The following MYO3B variants were observed in gnomAD, a reference collection of about 807,000 sequenced individuals.
MYO3B encodes myosin-IIIb.
MYO3B carries 156 observed loss-of-function variants against 174.6 expected under a neutral mutation model. The ratio of observed to expected loss-of-function variants is 0.89; its 90% confidence interval spans 0.78 to 1.02. The LOEUF is 1.02. MYO3B is among the 50% of genes least tolerant of loss of function. The pLI, the probability that MYO3B is intolerant of heterozygous loss-of-function variation, is 0.00. For missense variants in MYO3B, 1,632 were observed against 1,639.4 expected, an observed-to-expected ratio of 1.00 and a Z score of 0.08; for synonymous variants, 563 against 569.1, an observed-to-expected ratio of 0.99 and a Z score of 0.15.
chr2:170,523,120 G>T (rs1688785505), intron 30 of MYO3B, among the ~76,000 whole-genome samples: 1 of 152,136 alleles, frequency 6.6e-6, no homozygotes. Context: ...ATTTTGCCTG[G>T]TGTTATGGTT....
chr2:170,324,311 G>A lies in MYO3B; in HGVS notation c.750-11074G>A, dbSNP rs116629329. Among the ~76,000 whole-genome samples the A allele has an allele frequency of 1.9e-3, 285 of 152,226 alleles. 2 individuals carry two copies. Among genetic ancestry groups the A allele is most frequent in the African/African-American group, 6.8e-3 (281 of 41,512 alleles). ...TCCCAAGGAAGTTTTGGTCAATAAA[G>A]GTTTACAAAAGGATGCCTCACAGAA... On this transcript the variant is annotated intron_variant, in intron 7 of 34. Transcript: ENST00000408978.
At chr2:170,604,444 G>A (rs940334217) in intron 32 of MYO3B, among the ~76,000 whole-genome samples, 2 of 151,940 alleles carry the variant, frequency 1.3e-5, no homozygotes. Flanking sequence ...TACCTAAAGT[G>A]TGTGAATTTT....
intron 6 of MYO3B, among the ~76,000 whole-genome samples, chr2:170,217,627 G>A (rs1244580669): frequency 2.0e-5 from 3 of 152,142 alleles, no homozygotes; most frequent in African/African-American, 7.2e-5. Flanking sequence ...TTAGAAGAAA[G>A]TGTCCCTCCA....
At chr2:170,182,466 T>G (rs1377173257) in intron 1 of MYO3B, among the ~76,000 whole-genome samples, 1 of 152,170 alleles carries the variant, frequency 6.6e-6, no homozygotes, top group Non-Finnish European at 1.5e-5. Flanking sequence ...TGGTTTCTAG[T>G]CTAACGATCT....
rs1165995564 is a variant in MYO3B at position 170,277,708 on chromosome 2, C to CA, written c.749+41583dup. On this transcript the variant is annotated intron_variant, in intron 7 of 34. Transcript: ENST00000408978. The stretch of plus-strand genomic sequence containing the variant: ...GATTATAAAAGTAATATATGCCGAC[C>CA]AAAAAAAAAAATTACACAAATAAAT... Among the ~76,000 whole-genome samples the CA allele has an allele frequency of 6.0e-4, 87 of 145,100 alleles. No homozygotes were observed. The East Asian group carries it at 0.01, about 17-fold the overall frequency.
chr2:170,304,468 C>CTTTTTTTTTTTTT (rs34449441), intron 7 of MYO3B, among the ~76,000 whole-genome samples: 2 of 131,822 alleles, frequency 1.5e-5, no homozygotes, highest in African/African-American at 2.8e-5. Flanking sequence ...TTTTCTTTTT[C>CTTTTTTTTTTTTT]TTTTTTTTTT....
chr2:170,179,574 T>G (rs977235171), intron 1 of MYO3B, among the ~76,000 whole-genome samples: 3 of 152,174 alleles, frequency 2.0e-5, no homozygotes, highest in African/African-American at 7.2e-5. Context: ...CTCCTTTTTC[T>G]CTCTCTTGAG....
At chr2:170,339,251 C>T (rs1010980205) in intron 8 of MYO3B, among the ~76,000 whole-genome samples, 1 of 152,220 alleles carries the variant, frequency 6.6e-6, no homozygotes, top group Non-Finnish European at 1.5e-5. Flanking sequence ...ATAATTGCTT[C>T]AGTTCCCTTT....
intron 6 of MYO3B, among the ~76,000 whole-genome samples, chr2:170,226,268 A>C (rs1000910164): frequency 6.6e-5 from 10 of 152,208 alleles, no homozygotes; most frequent in Non-Finnish European, 8.8e-5. Flanking sequence ...ACTTCAGATC[A>C]TTGGCTGAAA....
Position 170,654,647 on chromosome 2 carries a change from C to CCAAAAAAAAA in MYO3B, c.*1526_*1527insCAAAAAAAAA, listed in dbSNP as rs1699188927. Reference sequence around the variant, plus strand: ...TGGGCGACAGGGCAAGACTCTGTCTCAAAAAAAAAAAAAAAAAAAAAAAAA... The same window carrying CCAAAAAAAAA: ...TGGGCGACAGGGCAAGACTCTGTCTCCAAAAAAAAAAAAAAAAAAAAAAAAAAAAAAAAAA... On this transcript the variant is annotated 3_prime_UTR_variant, in exon 35 of 35. Coordinates refer to ENST00000408978, the MANE Select transcript of MYO3B (RefSeq NM_138995.5). The CCAAAAAAAAA allele has an allele frequency of 2.2e-5, 1 of 46,270 alleles. No homozygotes were observed. Among genetic ancestry groups the CCAAAAAAAAA allele is most frequent in the Admixed American group, 2.7e-4 (1 of 3,732 alleles). 2.9% of individuals were successfully genotyped at this position (46,270 alleles called of 1,614,324 possible).
chr2:170,246,940 A>G (rs1245960316), intron 7 of MYO3B, among the ~76,000 whole-genome samples: 3 of 151,900 alleles, frequency 2.0e-5, no homozygotes, highest in East Asian at 3.9e-4. Context: ...CCATTCTTCA[A>G]CCCCCACTAA....
In MYO3B at chr2:170,178,252, A is replaced by G; in HGVS notation, c.-36A>G. 2 of 1,613,894 alleles carry G rather than the reference A, an allele frequency of 1.2e-6. No homozygotes were observed. The highest frequency in any genetic ancestry group is 3.3e-5 in the Admixed American group (2 of 60,022). ...TGGTTTTTGGAGGAATGAGAATCCA[A>G]TCTCTCATAAGCCGGATTCAGAAAA... On this transcript the variant is annotated 5_prime_UTR_variant, in exon 1 of 35. Transcript: ENST00000408978.
intron 32 of MYO3B, among the ~76,000 whole-genome samples, chr2:170,624,915 C>A (rs1192793462): frequency 1.3e-5 from 2 of 152,152 alleles, no homozygotes; most frequent in African/African-American, 4.8e-5. Flanking sequence ...AGGAATGAAG[C>A]CCACTTGATC....
intron 7 of MYO3B, among the ~76,000 whole-genome samples, chr2:170,327,555 C>T (rs934201864): frequency 7.2e-6 from 1 of 139,024 alleles, no homozygotes; most frequent in South Asian, 2.3e-4. Flanking sequence ...GATCTAGGAG[C>T]ATTTTGTCTT....
chr2:170,441,754 C>G (rs1312293049), intron 22 of MYO3B, among the ~76,000 whole-genome samples: 1 of 152,208 alleles, frequency 6.6e-6, no homozygotes, highest in East Asian at 1.9e-4. Context: ...TGTCTTTTAG[C>G]ATGCTAATGC....
chr2:170,601,727 GCTTTC>G (rs1694522054), intron 32 of MYO3B: 8 of 1,539,480 alleles, frequency 5.2e-6, no homozygotes, highest in Middle Eastern at 4.6e-4. Flanking sequence ...GCTGCATCAG[GCTTTC>G]CTTTAGCTCG....
intron 7 of MYO3B, among the ~76,000 whole-genome samples, chr2:170,291,141 C>G (rs968425900): frequency 2.0e-5 from 3 of 151,894 alleles, no homozygotes; most frequent in Admixed American, 2.0e-4. Flanking sequence ...CTCAGCTACT[C>G]GGGAGGCTGA....
In MYO3B at chr2:170,329,526, G is replaced by T. The variant is rs1001520828; in HGVS notation, c.750-5859G>T. On this transcript the variant is annotated intron_variant, in intron 7 of 34. Coordinates refer to ENST00000408978, the MANE Select transcript of MYO3B (RefSeq NM_138995.5). ...TTCCCGAGTAGCTGGGATTACAGGT[G>T]CAGGCCACCACACCTGGCTGATTTT... Among the ~76,000 whole-genome samples the T allele has an allele frequency of 2.0e-5, 3 of 150,594 alleles. No homozygotes were observed. The South Asian group carries it at 6.3e-4, about 32-fold the overall frequency.
intron 1 of MYO3B, among the ~76,000 whole-genome samples, chr2:170,193,955 A>G (rs1444220316): frequency 6.6e-6 from 1 of 152,126 alleles, no homozygotes; most frequent in Non-Finnish European, 1.5e-5. Context: ...TGAAATGTAT[A>G]ACATTTCCCT....
Sources: allele counts gnomAD v4.1 joint callset (sites outside exome capture counted in the v4.1 genomes callset), GRCh38; gene constraint gnomAD v4.1.1; transcripts MANE v1.5; gene names NCBI Gene and HGNC (gene_info 2026-07-23, HGNC 2026-07-21).